MYO9A: variants seen among roughly 807,000 people sequenced by gnomAD.
MYO9A encodes unconventional myosin-IXa.
MYO9A carries 103 observed loss-of-function variants against 293.3 expected under a neutral mutation model. The observed-to-expected ratio is 0.35, with a 90% CI of 0.30 to 0.41. The LOEUF (loss-of-function observed/expected upper bound fraction) is 0.41. MYO9A is among the 10% of genes least tolerant of loss of function. MYO9A has a pLI of 1.00. For missense variants in MYO9A, 2,685 were observed against 3,033.0 expected (o/e 0.89, Z 2.69); for synonymous variants, 1,001 against 1,035.7 (o/e 0.97, Z 0.64).
chr15:71,974,243 A>G (rs1041235106), intron 12 of MYO9A, among the ~76,000 whole-genome samples: 2 of 152,216 alleles, frequency 1.3e-5, no homozygotes, highest in Admixed American at 6.5e-5. Context: ...TCAGAGTAAC[A>G]GTTTGATGAA....
intron 7 of MYO9A, among the ~76,000 whole-genome samples, chr15:72,009,403 T>G (rs2148919849): frequency 6.6e-6 from 1 of 152,134 alleles, no homozygotes; most frequent in South Asian, 2.1e-4. Flanking sequence ...CTACTCTCAG[T>G]ATAGGGTCAT....
chr15:72,079,347 A>G (rs1046461199), intron 1 of MYO9A, among the ~76,000 whole-genome samples: 3 of 152,102 alleles, frequency 2.0e-5, no homozygotes, highest in Admixed American at 2.0e-4. Flanking sequence ...TATTAATTAA[A>G]ATAATTTTTA....
At chr15:72,031,756 G>A (rs918822623) in intron 3 of MYO9A, among the ~76,000 whole-genome samples, 1 of 150,788 alleles carries the variant, frequency 6.6e-6, no homozygotes, top group Non-Finnish European at 1.5e-5. Context: ...AAACTATGAA[G>A]AATATTGCTC....
intron 1 of MYO9A, among the ~76,000 whole-genome samples, chr15:72,070,452 CAAAAA>C (rs75023888): frequency 1.0e-5 from 1 of 97,522 alleles, no homozygotes. Flanking sequence ...GACTCTGCCT[CAAAAA>C]AAAAAAAAAA....
chr15:72,019,319 T>A (rs1234479837), intron 5 of MYO9A, among the ~76,000 whole-genome samples: 1 of 152,210 alleles, frequency 6.6e-6, no homozygotes, highest in Non-Finnish European at 1.5e-5. Flanking sequence ...GTTATTTATA[T>A]AAACTGAGTC....
chr15:71,949,051 C>T (rs2058991003), intron 15 of MYO9A, among the ~76,000 whole-genome samples: 1 of 152,072 alleles, frequency 6.6e-6, no homozygotes, highest in African/African-American at 2.4e-5. Context: ...CATTATTCCC[C>T]TGTATTTAAT....
At position 71,906,758 on chromosome 15, in the gene MYO9A, C is replaced by CTTTCTTTCT. The variant is rs765264146; in HGVS notation, c.2686-1753_2686-1752insAGAAAGAAA. Among the ~76,000 whole-genome samples the CTTTCTTTCT allele has an allele frequency of 6.6e-5, 4 of 61,012 alleles. No homozygotes were observed. In the East Asian group the frequency reaches 1.4e-3, roughly 21 times the overall value. 40.0% of individuals were successfully genotyped at this position (61,012 alleles called of 152,430 possible). On this transcript the variant is annotated intron_variant, in intron 19 of 41. Coordinates refer to ENST00000356056, the MANE Select transcript of MYO9A (RefSeq NM_006901.4). Reference sequence around the variant, plus strand: ...CCAATCAGATAATATCCATTTCTTTCTTTTTTTTTTTTTTTTTTTTCCTGA... The same window carrying CTTTCTTTCT: ...CCAATCAGATAATATCCATTTCTTTCTTTCTTTCTTTTTTTTTTTTTTTTTTTTTCCTGA...
chr15:71,877,141 T>C (rs1045819446), intron 31 of MYO9A, among the ~76,000 whole-genome samples: 4 of 152,174 alleles, frequency 2.6e-5, no homozygotes, highest in Non-Finnish European at 5.9e-5. Flanking sequence ...AATTATTTCA[T>C]CTGGGGTACT....
At chr15:71,956,330 A>AAAAAAAAAATATATATATATATAT (rs10642655) in intron 14 of MYO9A, among the ~76,000 whole-genome samples, 2 of 75,578 alleles carry the variant, frequency 2.6e-5, no homozygotes, top group Admixed American at 1.7e-4. Context: ...AAAAAAAAAA[A>AAAAAAAAAATATATATATATATAT]ATATATATAT....
chr15:71,998,550 C>CTTT, intron 9 of MYO9A, among the ~76,000 whole-genome samples: 1 of 106,190 alleles, frequency 9.4e-6, no homozygotes, highest in Non-Finnish European at 1.8e-5. Context: ...ATTTGGCTTT[C>CTTT]TTTTTTTTTT....
chr15:71,931,331 G>C (rs919864021), intron 18 of MYO9A, among the ~76,000 whole-genome samples: 2 of 152,162 alleles, frequency 1.3e-5, no homozygotes, highest in Non-Finnish European at 2.9e-5. Flanking sequence ...TGAGAAAGTT[G>C]TTATCTCCTT....
At chr15:71,931,768 CT>C (rs1340639890) in intron 18 of MYO9A, among the ~76,000 whole-genome samples, 1 of 152,076 alleles carries the variant, frequency 6.6e-6, no homozygotes, top group Non-Finnish European at 1.5e-5. Flanking sequence ...CTTCATTTGC[CT>C]TTACCCTCTG....
chr15:71,839,419 T>A (rs1219903968), intron 39 of MYO9A, among the ~76,000 whole-genome samples: 4 of 151,850 alleles, frequency 2.6e-5, no homozygotes, highest in Non-Finnish European at 5.9e-5. Context: ...TCTTTCTTTC[T>A]TTCTTTAAAG....
intron 39 of MYO9A, among the ~76,000 whole-genome samples, chr15:71,846,759 C>A (rs1596017063): frequency 0.038 from 1 of 26 alleles, no homozygotes; most frequent in Non-Finnish European, 0.12. Context: ...AGCCTTCCAT[C>A]CCCCCCATTC....
At chr15:72,040,268 C>T (rs996319406) in intron 2 of MYO9A, 1 of 152,284 alleles carries the variant, frequency 6.6e-6, no homozygotes, top group African/African-American at 2.4e-5. Flanking sequence ...CATCCTTATC[C>T]TTATTCTAAT....
intron 1 of MYO9A, among the ~76,000 whole-genome samples, chr15:72,084,657 G>A (rs1036918725): frequency 6.6e-6 from 1 of 152,188 alleles, no homozygotes; most frequent in African/African-American, 2.4e-5. Flanking sequence ...AGACACGTCT[G>A]ACGGTATCAA....
intron 11 of MYO9A, among the ~76,000 whole-genome samples, chr15:71,979,048 T>G (rs2076211408): frequency 6.6e-6 from 1 of 152,168 alleles, no homozygotes; most frequent in Non-Finnish European, 1.5e-5. Context: ...TGTACCTAAT[T>G]GTTTTAGCAT....
chr15:72,027,746 T>C lies in MYO9A; in HGVS notation c.983A>G (p.Gln328Arg). The change falls in exon 4 of 42, where the codon CAG becomes CGG. Residue 328 changes from glutamine to arginine, a missense_variant. By Grantham distance (43) the Gln-to-Arg change is conservative. Around this residue, in one of 10 missense-constraint regions of MYO9A, gnomAD observed 289 missense variants for 456.8 expected, o/e 0.63. Coordinates refer to ENST00000356056, the MANE Select transcript of MYO9A (RefSeq NM_006901.4). ...YLLEKSRLVY[Q>R]EHNERNYHVF... ...AAATACGTACCGTTCATTATGCTCC[T>C]GATAAACGAGTCTGGACTTCTCCAG... 1 of 1,608,554 alleles carries C rather than the reference T, an allele frequency of 6.2e-7. No homozygotes were observed. Among genetic ancestry groups the C allele is most frequent in the Non-Finnish European group, 8.5e-7 (1 of 1,177,742 alleles).
rs866057836 is a variant in MYO9A, at chr15:72,101,326, C to T, written c.-72+16354G>A. On this transcript the variant is annotated intron_variant, in intron 1 of 41. Coordinates refer to ENST00000356056, the MANE Select transcript of MYO9A (RefSeq NM_006901.4). ...CCCCCGCCAGGCCAGCCGCCCCGTC[C>T]GGGAGGGAGGTCGGGGCGTCAGCCT... Among the ~76,000 whole-genome samples the T allele has an allele frequency of 1.2e-3, 170 of 137,076 alleles. 1 individual carries two copies. Among genetic ancestry groups the T allele is most frequent in the Middle Eastern group, 9.7e-3 (2 of 206 alleles). The allele number at this position is 137,076 out of a possible 152,430, so 89.9% of individuals were successfully genotyped here.
Sources: gnomAD v4.1 joint callset for allele counts (sites outside exome capture counted in the v4.1 genomes callset) on GRCh38, gnomAD v4.1.1 for gene constraint, gnomAD v4.1.1 regional missense constraint, MANE v1.5 for transcripts, NCBI Gene and HGNC (gene_info 2026-07-23, HGNC 2026-07-21) for gene names.